HSPA12A: variants seen among roughly 807,000 people sequenced by gnomAD.
HSPA12A encodes the protein heat shock protein family A (Hsp70) member 12A, also known as heat shock 70 kDa protein 12A.
In HSPA12A, 28 loss-of-function variants were observed where a neutral mutation model predicts 69.2. That is an observed-to-expected ratio of 0.40 (90% CI 0.30 to 0.55). HSPA12A has a LOEUF of 0.55. Ranked by LOEUF, HSPA12A falls within the 20% of genes least tolerant of loss-of-function variation. The pLI is 0.38. For synonymous variants in HSPA12A, 345 were observed against 370.5 expected (o/e 0.93, Z 0.79); for missense variants, 686 against 900.7 (o/e 0.76, Z 3.05).
At chr10:116,814,988 C>T (rs1429669583) in intron 2 of HSPA12A, among the ~76,000 whole-genome samples, 1 of 152,172 alleles carries the variant, frequency 6.6e-6, no homozygotes, top group Non-Finnish European at 1.5e-5. Flanking sequence ...TTTCAGTAAA[C>T]TGGGATAAAC....
chr10:116,785,493 C>T (rs574784193), intron 2 of HSPA12A, among the ~76,000 whole-genome samples: 15 of 152,210 alleles, frequency 9.9e-5, no homozygotes, highest in African/African-American at 2.2e-4. Flanking sequence ...AGCCCCAGGA[C>T]GGCTGTCCCC....
chr10:116,836,941 TC>T (rs1423486781), intron 1 of HSPA12A, among the ~76,000 whole-genome samples: 16 of 151,952 alleles, frequency 1.1e-4, no homozygotes, highest in African/African-American at 3.6e-4. Context: ...TGGGGAAGGG[TC>T]TTCGTTTCTC....
chr10:116,849,404 C>T (rs1435485946), intron 1 of HSPA12A: 2 of 941,808 alleles, frequency 2.1e-6, no homozygotes, highest in African/African-American at 1.7e-5. Flanking sequence ...GCGCAAATAC[C>T]ATCCTAGCTC....
intron 1 of HSPA12A, among the ~76,000 whole-genome samples, chr10:116,738,861 A>G (rs1851393178): frequency 6.6e-6 from 1 of 152,174 alleles, no homozygotes; most frequent in Admixed American, 6.5e-5. Context: ...TGGGAAACAC[A>G]AGACACTGTG....
intron 1 of HSPA12A, among the ~76,000 whole-genome samples, chr10:116,709,978 C>T (rs1018617374): frequency 9.2e-5 from 14 of 152,210 alleles, no homozygotes; most frequent in East Asian, 1.9e-4. Flanking sequence ...TAGCCGTGGG[C>T]GCTAATTGCT....
intron 1 of HSPA12A, chr10:116,849,560 T>G: frequency 1.3e-6 from 2 of 1,532,572 alleles, no homozygotes; most frequent in Non-Finnish European, 1.8e-6. Flanking sequence ...GCCTTAAATC[T>G]CCTACCATGG....
chr10:116,785,590 A>C (rs1012877396), intron 2 of HSPA12A, among the ~76,000 whole-genome samples: 3 of 151,956 alleles, frequency 2.0e-5, no homozygotes, highest in African/African-American at 7.3e-5. Flanking sequence ...CATAAAGCCC[A>C]GCTCACTCCC....
At chr10:116,786,999 CACACACACAT>C (rs1389576436) in intron 2 of HSPA12A, among the ~76,000 whole-genome samples, 138 of 75,978 alleles carry the variant, frequency 1.8e-3, no homozygotes, top group South Asian at 9.0e-3. Context: ...CACACACACA[CACACACACAT>C]ACACACACGC....
chr10:116,679,762 C>G lies in HSPA12A; in HGVS notation c.1028-1G>C, dbSNP rs1554878323. Reference sequence around the variant, plus strand: ...ACTCCTAAAGATCCATAGGGTCCGCCTGAATTGAGAACAAAAAGGGAGGCC... The same window carrying G: ...ACTCCTAAAGATCCATAGGGTCCGCGTGAATTGAGAACAAAAAGGGAGGCC... On this transcript the variant is annotated splice_acceptor_variant, in intron 9 of 11. Coordinates refer to ENST00000369209, the MANE Select transcript of HSPA12A (RefSeq NM_025015.3). LOFTEE classifies it high-confidence loss of function. The G allele has an allele frequency of 1.2e-6, 2 of 1,611,374 alleles. No individual in the cohort carries two copies.
chr10:116,793,507 G>A (rs552169021), intron 2 of HSPA12A, among the ~76,000 whole-genome samples: 1 of 152,228 alleles, frequency 6.6e-6, no homozygotes, highest in Admixed American at 6.5e-5. Context: ...GGAGCTTGAG[G>A]TTGCAGTAAG....
At chr10:116,738,163 T>G in intron 1 of HSPA12A, among the ~76,000 whole-genome samples, 1 of 152,338 alleles carries the variant, frequency 6.6e-6, no homozygotes, top group Non-Finnish European at 1.5e-5. Flanking sequence ...CCAGGCCTTA[T>G]TGGAATCAAA....
At chr10:116,827,181 C>T (rs1192927823) in intron 2 of HSPA12A, among the ~76,000 whole-genome samples, 1 of 152,192 alleles carries the variant, frequency 6.6e-6, no homozygotes. Flanking sequence ...TCATTAATAC[C>T]TTCAGGGGTC....
At chr10:116,691,779 G>A (rs557192679) in intron 6 of HSPA12A, among the ~76,000 whole-genome samples, 2 of 152,362 alleles carry the variant, frequency 1.3e-5, no homozygotes, top group South Asian at 4.1e-4. Context: ...GCCTGTGCCT[G>A]GTATGCCCCT....
rs782022036 is a variant in HSPA12A at position 116,671,474 on chromosome 10, T to C, written c.*3307A>G. ...GCTATACATCTCTACAATGTGAAAT[T>C]CGATCTTTGACTAATAATGCATTCT... On this transcript the variant is annotated 3_prime_UTR_variant, in exon 12 of 12. Transcript: ENST00000369209. 7.2e-5 allele frequency: 11 copies of C among 152,362 alleles called. No individual in the cohort carries two copies. The highest frequency in any genetic ancestry group is 1.2e-4 in the African/African-American group (5 of 41,440). The allele number at this position is 152,362 out of a possible 1,614,324, so 9.4% of individuals were successfully genotyped here.
intron 2 of HSPA12A, among the ~76,000 whole-genome samples, chr10:116,767,722 A>G (rs1844111884): frequency 6.6e-6 from 1 of 152,228 alleles, no homozygotes; most frequent in African/African-American, 2.4e-5. Flanking sequence ...GGCTTTAACC[A>G]AAATCCCAGG....
At chr10:116,698,497 T>G in intron 5 of HSPA12A, 138 bp downstream of exon 5, 1 of 599,940 alleles carries the variant, frequency 1.7e-6, no homozygotes, top group East Asian at 2.7e-5. Flanking sequence ...CATCCTGTTG[T>G]GTTGACTCCA....
intron 2 of HSPA12A, among the ~76,000 whole-genome samples, chr10:116,834,203 G>A (rs938226329): frequency 6.6e-6 from 1 of 152,174 alleles, no homozygotes; most frequent in Non-Finnish European, 1.5e-5. Context: ...GCTTGTCACC[G>A]GTTGCACTGG....
upstream of HSPA12A, among the ~76,000 whole-genome samples, chr10:116,744,735 C>T (rs1187786404): frequency 1.3e-5 from 2 of 152,220 alleles, no homozygotes; most frequent in African/African-American, 4.8e-5. Context: ...TGTGGTCTCA[C>T]CTAGTTCTCA....
At chr10:116,762,945 CCT>C (rs1362298930) in intron 2 of HSPA12A, among the ~76,000 whole-genome samples, 3 of 152,126 alleles carry the variant, frequency 2.0e-5, no homozygotes, top group African/African-American at 7.2e-5. Context: ...AATCATTTGC[CCT>C]CATCCTTATC....
Sources: allele counts gnomAD v4.1 joint callset (sites outside exome capture counted in the v4.1 genomes callset), GRCh38; gene constraint gnomAD v4.1.1; transcripts MANE v1.5; gene names NCBI Gene and HGNC (gene_info 2026-07-23, HGNC 2026-07-21).